CDH12: variants seen among roughly 807,000 people sequenced by gnomAD.
CDH12 encodes the protein cadherin-12.
CDH12 carries 41 observed loss-of-function variants against 74.1 expected under a neutral mutation model. The observed-to-expected ratio is 0.55, with a 90% CI of 0.43 to 0.72. The LOEUF (loss-of-function observed/expected upper bound fraction) is 0.72, where lower values mean the gene tolerates loss of function less well. Among genes scored for constraint, CDH12 ranks in the 30% least tolerant of loss-of-function variants. The pLI, the probability that CDH12 is intolerant of heterozygous loss-of-function variation, is 0.00. For synonymous variants in CDH12, 399 were observed against 355.0 expected (o/e 1.12, Z -1.39); for missense variants, 945 against 977.2 (o/e 0.97, Z 0.44).
intron 1 of CDH12, among the ~76,000 whole-genome samples, chr5:22,566,144 G>A (rs183287945): frequency 1.3e-3 from 197 of 152,034 alleles, no homozygotes; most frequent in Admixed American, 2.0e-3. Flanking sequence ...AGAATATATC[G>A]TAAGGGCCTG....
At chr5:22,038,052 T>A (rs1043307281) in intron 5 of CDH12, among the ~76,000 whole-genome samples, 1 of 152,196 alleles carries the variant, frequency 6.6e-6, no homozygotes, top group Non-Finnish European at 1.5e-5. Flanking sequence ...AGGAAGCTTC[T>A]GGAGTCCATA....
At chr5:22,413,834 T>C (rs1347052166) in intron 2 of CDH12, among the ~76,000 whole-genome samples, 1 of 152,048 alleles carries the variant, frequency 6.6e-6, no homozygotes, top group Admixed American at 6.5e-5. Flanking sequence ...TAACTTAATG[T>C]CACTATTTTG....
chr5:22,147,485 T>C (rs1471465434), intron 4 of CDH12, among the ~76,000 whole-genome samples: 6 of 151,902 alleles, frequency 3.9e-5, no homozygotes. Context: ...TCTCCAAGAG[T>C]AGGTATTGGT....
chr5:22,311,149 G>C (rs747401959), intron 3 of CDH12, among the ~76,000 whole-genome samples: 1 of 152,060 alleles, frequency 6.6e-6, no homozygotes, highest in African/African-American at 2.4e-5. Flanking sequence ...TAACTTTCAC[G>C]CAAGTAGAGA....
At chr5:22,724,962 A>G (rs1744088221) in intron 1 of CDH12, among the ~76,000 whole-genome samples, 2 of 151,928 alleles carry the variant, frequency 1.3e-5, no homozygotes, top group African/African-American at 4.8e-5. Flanking sequence ...GAACACTCAG[A>G]ACACCACGTT....
At chr5:22,389,533 C>T (rs986462364) in intron 3 of CDH12, among the ~76,000 whole-genome samples, 1 of 151,732 alleles carries the variant, frequency 6.6e-6, no homozygotes, top group African/African-American at 2.4e-5. Flanking sequence ...TTCTTTTTCA[C>T]GTAAAAGTGA....
chr5:22,111,759 G>A (rs180916977), intron 4 of CDH12, among the ~76,000 whole-genome samples: 33 of 152,240 alleles, frequency 2.2e-4, no homozygotes, highest in Admixed American at 9.2e-4. Flanking sequence ...ACCTTTGGAA[G>A]CTTTACATCT....
intron 5 of CDH12, among the ~76,000 whole-genome samples, chr5:21,987,179 T>G (rs1305152382): frequency 6.6e-6 from 1 of 152,094 alleles, no homozygotes; most frequent in African/African-American, 2.4e-5. Context: ...TTTAATGGTA[T>G]AAAATGTCTG....
intron 4 of CDH12, among the ~76,000 whole-genome samples, chr5:22,129,360 G>A (rs895530643): frequency 5.3e-5 from 8 of 152,162 alleles, no homozygotes; most frequent in African/African-American, 1.4e-4. Flanking sequence ...AGGCAGTGTT[G>A]GACTGGATCT....
intron 1 of CDH12, among the ~76,000 whole-genome samples, chr5:22,661,984 T>C (rs1740372509): frequency 6.6e-6 from 1 of 152,182 alleles, no homozygotes; most frequent in Admixed American, 6.5e-5. Flanking sequence ...TGTTTCTTTG[T>C]TTCTACACAT....
chr5:22,814,351 C>T (rs569492506), intron 1 of CDH12, among the ~76,000 whole-genome samples: 1 of 152,178 alleles, frequency 6.6e-6, no homozygotes, highest in South Asian at 2.1e-4. Flanking sequence ...ATTTTTATAA[C>T]AACTACATAT....
At chr5:22,459,004 C>T (rs79503870) in intron 2 of CDH12, among the ~76,000 whole-genome samples, 3,496 of 151,962 alleles carry the variant, frequency 0.023, 53 homozygotes, top group Middle Eastern at 0.11. Context: ...GTGGCTGTAA[C>T]GAGATCATTA....
chr5:22,372,554 T>C (rs1263225095), intron 3 of CDH12, among the ~76,000 whole-genome samples: 1 of 152,120 alleles, frequency 6.6e-6, no homozygotes, highest in Non-Finnish European at 1.5e-5. Flanking sequence ...CCTGAGCAGC[T>C]GCGACATGCA....
chr5:22,275,528 A>C (rs983333324), intron 3 of CDH12, among the ~76,000 whole-genome samples: 6 of 152,204 alleles, frequency 3.9e-5, no homozygotes, highest in Non-Finnish European at 7.3e-5. Context: ...ATTTAAAATT[A>C]GTTTTGAGTC....
chr5:22,036,165 C>T (rs1401888453), intron 5 of CDH12, among the ~76,000 whole-genome samples: 2 of 152,166 alleles, frequency 1.3e-5, no homozygotes, highest in Non-Finnish European at 2.9e-5. Flanking sequence ...TCAATTGATA[C>T]ATGTGCTCTT....
At chr5:22,362,127 G>A (rs576815304) in intron 3 of CDH12, among the ~76,000 whole-genome samples, 150 of 152,058 alleles carry the variant, frequency 9.9e-4, no homozygotes, top group South Asian at 7.5e-3. Flanking sequence ...AGAAACAACC[G>A]TCAGAGTGAA....
chr5:21,865,754 A>C (rs1751292832), intron 6 of CDH12, among the ~76,000 whole-genome samples: 1 of 152,158 alleles, frequency 6.6e-6, no homozygotes, highest in Non-Finnish European at 1.5e-5. Flanking sequence ...AGTTAAAAGA[A>C]TGTCACAGAA....
chr5:22,074,293 A>G (rs1325829274), intron 5 of CDH12, among the ~76,000 whole-genome samples: 1 of 152,126 alleles, frequency 6.6e-6, no homozygotes, highest in East Asian at 1.9e-4. Context: ...CCTTCCTTAC[A>G]CCTTATACAA....
chr5:22,827,726 T>C (rs891183703), intron 1 of CDH12, among the ~76,000 whole-genome samples: 9 of 152,282 alleles, frequency 5.9e-5, no homozygotes, highest in South Asian at 4.2e-4. Flanking sequence ...TGAAATAGTA[T>C]ATTGGTTAAG....
Sources: allele counts gnomAD v4.1 joint callset (sites outside exome capture counted in the v4.1 genomes callset), GRCh38; gene constraint gnomAD v4.1.1; transcripts MANE v1.5; gene names NCBI Gene and HGNC (gene_info 2026-07-23, HGNC 2026-07-21).